Variants in ZFHX3 observed in about 807,000 individuals in gnomAD.
The protein encoded by ZFHX3 is zinc finger homeobox 3.
A neutral mutation model predicts 279.1 loss-of-function variants in ZFHX3; 42 were observed. The observed-to-expected ratio is 0.15, with a 90% confidence interval of 0.12 to 0.19. The LOEUF is 0.19. Among genes scored for constraint, ZFHX3 ranks in the 10% least tolerant of loss-of-function variants. The pLI is 1.00. For missense variants in ZFHX3, 4,981 were observed against 4,754.0 expected (o/e 1.05, Z -1.40); for synonymous variants, 2,293 against 1,957.8 (o/e 1.17, Z -4.52).
intron 3 of ZFHX3, among the ~76,000 whole-genome samples, chr16:72,926,652 C>T (rs1045203260): frequency 2.2e-4 from 33 of 152,158 alleles, no homozygotes; most frequent in Non-Finnish European, 4.4e-4. Context: ...TCCCGACCAC[C>T]CATGGGCATC....
intron 3 of ZFHX3, among the ~76,000 whole-genome samples, chr16:73,436,459 T>C (rs987863921): frequency 6.6e-6 from 1 of 152,160 alleles, no homozygotes; most frequent in Non-Finnish European, 1.5e-5. Context: ...TTTCCCCTTA[T>C]AAAACCATCA....
chr16:72,843,467 C>T (rs911168545), intron 4 of ZFHX3, among the ~76,000 whole-genome samples: 2 of 149,266 alleles, frequency 1.3e-5, no homozygotes, highest in Non-Finnish European at 3.0e-5. Context: ...GCCGAGATCC[C>T]GCCACTGCAC....
chr16:73,682,899 AAAG>A lies in ZFHX3; in HGVS notation c.-1607-2662_-1607-2660del, dbSNP rs1567550547. ...GAAAGAAAGAAAGAAAGAAAGAAAG[AAAG>A]AAAGAGAAAGAAAGAGAGAAAGAGA... is the stretch of plus-strand genomic sequence containing the variant. On this transcript the variant is annotated intron_variant, in intron 1 of 17. Coordinates refer to the ZFHX3 transcript ENST00000641206. Among the ~76,000 whole-genome samples, 6 of 19,744 alleles carry A rather than the reference AAAG, an allele frequency of 3.0e-4. 1 individual carries two copies. The highest frequency in any genetic ancestry group is 4.6e-4 in the African/African-American group (3 of 6,536). 13.0% of individuals were successfully genotyped at this position (19,744 alleles called of 152,430 possible).
chr16:73,368,594 G>A (rs2016570618), intron 3 of ZFHX3, among the ~76,000 whole-genome samples: 1 of 152,176 alleles, frequency 6.6e-6, no homozygotes, highest in African/African-American at 2.4e-5. Context: ...AGTGTCACTT[G>A]AATCACTTAA....
rs1966489744 is a variant in ZFHX3 at position 73,120,799 on chromosome 16, T to C, written c.-897+10169A>G. 2.0e-5 allele frequency among the ~76,000 whole-genome samples: 3 copies of C among 151,752 alleles called. No homozygotes were observed. The South Asian group carries it at 6.2e-4, about 32-fold the overall frequency. On this transcript the variant is annotated intron_variant, in intron 7 of 17. Coordinates refer to the ZFHX3 transcript ENST00000641206. ...CCTCCCGAGTAGCTGGGACCACAGG[T>C]GTGTGCTACCACGCCCGGCGAATTT... is the stretch of plus-strand genomic sequence containing the variant.
intron 2 of ZFHX3, among the ~76,000 whole-genome samples, chr16:73,536,057 G>A (rs2143738410): frequency 6.6e-6 from 1 of 152,172 alleles, no homozygotes; most frequent in South Asian, 2.1e-4. Context: ...TTCTATCACT[G>A]TGTAAGCTGG....
In ZFHX3 at chr16:73,142,887, T is replaced by C. The variant is rs1408577448; in HGVS notation, c.-1024+865A>G. Among the ~76,000 whole-genome samples the C allele has an allele frequency of 3.9e-5, 6 of 152,166 alleles. No individual in the cohort carries two copies. The East Asian group carries it at 9.6e-4, about 24-fold the overall frequency. ...CCAGAAAGGCCCAGTGATTGGTCCA[T>C]ATTAACAAGGCCATTAAGTGATGGG... On this transcript the variant is annotated intron_variant, in intron 6 of 17. Transcript: ENST00000641206.
At chr16:72,870,405 A>G (rs372305232) in intron 4 of ZFHX3, among the ~76,000 whole-genome samples, 6 of 150,956 alleles carry the variant, frequency 4.0e-5, no homozygotes, top group African/African-American at 1.5e-4. Flanking sequence ...GTCTTTAAAA[A>G]AAAAGAAAAA....
At chr16:73,323,871 C>A (rs943020444) in intron 3 of ZFHX3, among the ~76,000 whole-genome samples, 1 of 152,168 alleles carries the variant, frequency 6.6e-6, no homozygotes, top group Admixed American at 6.5e-5. Flanking sequence ...CAAAAGTGAT[C>A]AACCCATCTG....
chr16:73,845,615 T>C (rs139049446), intron 1 of ZFHX3, among the ~76,000 whole-genome samples: 3 of 152,254 alleles, frequency 2.0e-5, no homozygotes, highest in Admixed American at 2.0e-4. Context: ...AGCAGATCTA[T>C]TTACTCTCTT....
At chr16:73,377,958 G>T (rs142169364) in intron 3 of ZFHX3, among the ~76,000 whole-genome samples, 2 of 146,170 alleles carry the variant, frequency 1.4e-5, no homozygotes, top group Non-Finnish European at 3.0e-5. Flanking sequence ...GCGTGAACCC[G>T]GGAGGCGGAG....
intron 7 of ZFHX3, chr16:73,127,472 G>A: frequency 7.7e-7 from 1 of 1,305,422 alleles, no homozygotes; most frequent in South Asian, 1.2e-5. Context: ...GCCGGGCATC[G>A]ACAGGCAAGA....
chr16:73,162,668 G>C (rs1328338839), intron 5 of ZFHX3, among the ~76,000 whole-genome samples: 1 of 152,110 alleles, frequency 6.6e-6, no homozygotes, highest in Non-Finnish European at 1.5e-5. Flanking sequence ...TCACCATGTT[G>C]CCCAGGCTGG....
intron 2 of ZFHX3, among the ~76,000 whole-genome samples, chr16:73,495,317 T>C (rs965829999): frequency 6.6e-6 from 1 of 152,218 alleles, no homozygotes; most frequent in African/African-American, 2.4e-5. Flanking sequence ...TCATGCCCTC[T>C]GCCAGCCAAG....
intron 2 of ZFHX3, among the ~76,000 whole-genome samples, chr16:73,644,399 C>G (rs528490435): frequency 1.2e-3 from 189 of 152,212 alleles, no homozygotes; most frequent in African/African-American, 3.7e-3. Context: ...GTGGCTCATG[C>G]CTGTAATCCC....
intron 3 of ZFHX3, among the ~76,000 whole-genome samples, chr16:72,945,504 C>A (rs12927608): frequency 1.2e-4 from 18 of 152,132 alleles, no homozygotes; most frequent in African/African-American, 4.3e-4. Flanking sequence ...TCCAGCTGCT[C>A]CAGGAGAAGG....
At chr16:72,864,960 A>C (rs894020537) in intron 4 of ZFHX3, among the ~76,000 whole-genome samples, 1 of 152,194 alleles carries the variant, frequency 6.6e-6, no homozygotes, top group African/African-American at 2.4e-5. Flanking sequence ...GGGCCAGTGC[A>C]TTTCCAGCCA....
chr16:73,271,921 C>T (rs1412857475), intron 4 of ZFHX3, among the ~76,000 whole-genome samples: 6 of 152,162 alleles, frequency 3.9e-5, no homozygotes, highest in African/African-American at 1.4e-4. Flanking sequence ...GTTTTACACC[C>T]TTCTTTCCAC....
intron 5 of ZFHX3, among the ~76,000 whole-genome samples, chr16:73,219,438 A>G (rs2012332335): frequency 6.6e-6 from 1 of 152,208 alleles, no homozygotes; most frequent in Non-Finnish European, 1.5e-5. Context: ...TAAAGCAAGA[A>G]CTACAGTAAA....
Sources: allele counts gnomAD v4.1 joint callset (sites outside exome capture counted in the v4.1 genomes callset), GRCh38; gene constraint gnomAD v4.1.1; transcripts MANE v1.5; gene names NCBI Gene and HGNC (gene_info 2026-07-23, HGNC 2026-07-21).